Variants in PLCE1 observed in about 807,000 individuals in gnomAD.
PLCE1 encodes the protein 1-phosphatidylinositol 4,5-bisphosphate phosphodiesterase epsilon-1.
PLCE1 carries 119 observed loss-of-function variants against 242.8 expected under a neutral mutation model. The ratio of observed to expected loss-of-function variants is 0.49; its 90% CI spans 0.42 to 0.57. The LOEUF is 0.57. Among genes scored for constraint, PLCE1 ranks in the 20% least tolerant of loss-of-function variants. PLCE1 has a pLI of 0.00. For synonymous variants in PLCE1, 945 were observed against 1,017.4 expected (o/e 0.93, Z 1.35); for missense variants, 2,441 against 2,788.8 (o/e 0.88, Z 2.81).
intron 2 of PLCE1, among the ~76,000 whole-genome samples, chr10:94,059,288 T>A (rs1589936400): frequency 6.6e-6 from 1 of 152,246 alleles, no homozygotes; most frequent in East Asian, 1.9e-4. Flanking sequence ...AAGAGAGAAT[T>A]GCCACAAAAA....
At position 94,313,379 on chromosome 10, in the gene PLCE1, G is replaced by C; in HGVS notation, c.6129G>C (p.Gln2043His). The stretch of plus-strand genomic sequence containing the variant: ...GCACCAAGGCAAAGCAGCTTCTGCA[G>C]CAAGTAAGTCCACTGAGCCGTGGTT... The part of the protein sequence containing the change: ...NGGTKAKQLL[Q>H]QILTNEQDIK... Residue 2043 changes from glutamine to histidine, a missense_variant, in exon 28 of 33, where the codon CAG becomes CAC. Physicochemically the swap from Gln to His is conservative, Grantham distance 24. Around this residue, in one of 5 missense-constraint regions of PLCE1, gnomAD observed 310 missense variants for 317.2 expected, o/e 0.98. Transcript: ENST00000371380. The C allele has an allele frequency of 6.2e-7, 1 of 1,614,158 alleles. No homozygotes were observed. The highest frequency in any genetic ancestry group is 8.5e-7 in the Non-Finnish European group (1 of 1,179,994).
At chr10:94,072,300 G>A (rs555172702) in intron 2 of PLCE1, among the ~76,000 whole-genome samples, 1 of 150,994 alleles carries the variant, frequency 6.6e-6, no homozygotes, top group African/African-American at 2.4e-5. Context: ...TTTTTTAGAT[G>A]GAGTCTCGCT....
At chr10:94,005,009 G>A (rs1297137941) in intron 1 of PLCE1, among the ~76,000 whole-genome samples, 1 of 151,922 alleles carries the variant, frequency 6.6e-6, no homozygotes, top group Admixed American at 6.6e-5. Context: ...TTTGTTAAAG[G>A]GGCTTAGTTA....
intron 4 of PLCE1, among the ~76,000 whole-genome samples, chr10:94,198,550 C>A (rs1310878531): frequency 6.6e-6 from 1 of 152,198 alleles, no homozygotes; most frequent in Non-Finnish European, 1.5e-5. Context: ...TAGAGAATAT[C>A]ATTACAAAGG....
chr10:94,108,014 T>G lies in PLCE1; in HGVS notation c.1207-24160T>G, dbSNP rs920890158. 2.6e-5 allele frequency: 4 copies of G among 152,264 alleles called. No homozygotes were observed. The South Asian group carries it at 8.3e-4, about 32-fold the overall frequency. The allele number at this position is 152,264 out of a possible 1,614,324, so 9.4% of individuals were successfully genotyped here. A position where few individuals can be genotyped will look rare whatever the true frequency, so the allele number is the denominator to read the frequency against. ...TCTAACCAACGGGAGGAAATTTTAC[T>G]CATGGACCAAGGCTCCACCATTGCT... is the stretch of plus-strand genomic sequence containing the variant. On this transcript the variant is annotated intron_variant, in intron 2 of 32. Transcript: ENST00000371380.
In PLCE1 at chr10:94,031,151, CA is replaced by C; in HGVS notation, c.106del (p.Ile36SerfsTer22). The C allele has an allele frequency of 6.2e-7, 1 of 1,613,780 alleles. No individual in the cohort carries two copies. The highest frequency in any genetic ancestry group is 8.5e-7 in the Non-Finnish European group (1 of 1,179,826). On this transcript the variant is annotated frameshift_variant, in exon 2 of 33. Transcript: ENST00000371380. LOFTEE classifies it high-confidence loss of function. ...ADESSEKVSDINISKAHTVRR... is the reference protein window; with the variant it reads ...ADESSEKVSDXNISKAHTVRR... ...ATGAAAGTAGTGAAAAGGTCTCAGACATCAATATTTCAAAAGCACATACTGT... is the reference window on the plus strand; with the variant it reads ...ATGAAAGTAGTGAAAAGGTCTCAGACTCAATATTTCAAAAGCACATACTGT...
At chr10:94,014,172 A>T (rs2061229679) in intron 1 of PLCE1, among the ~76,000 whole-genome samples, 1 of 152,166 alleles carries the variant, frequency 6.6e-6, no homozygotes, top group African/African-American at 2.4e-5. Context: ...GTCCCTTAGG[A>T]TTAAACTTCA....
At chr10:94,310,198 A>G (rs1459888898) in intron 27 of PLCE1, among the ~76,000 whole-genome samples, 1 of 152,182 alleles carries the variant, frequency 6.6e-6, no homozygotes, top group Admixed American at 6.5e-5. Flanking sequence ...ATCTTTGGAA[A>G]GGCACCTTCT....
At chr10:94,118,162 C>CT (rs1327508192) in intron 2 of PLCE1, among the ~76,000 whole-genome samples, 1 of 151,928 alleles carries the variant, frequency 6.6e-6, no homozygotes. Context: ...AGTTTTTAAC[C>CT]TAAGTTTTTA....
At chr10:94,052,228 G>T (rs1441688517) in intron 2 of PLCE1, among the ~76,000 whole-genome samples, 2 of 152,162 alleles carry the variant, frequency 1.3e-5, no homozygotes, top group Non-Finnish European at 2.9e-5. Context: ...TTGACAAGAA[G>T]TATTACTAAT....
At chr10:94,310,667 C>G (rs1359216025) in intron 27 of PLCE1, among the ~76,000 whole-genome samples, 1 of 152,136 alleles carries the variant, frequency 6.6e-6, no homozygotes, top group African/African-American at 2.4e-5. Flanking sequence ...CAATTCTGAG[C>G]TGGGTGACCT....
rs74151050 is a variant in PLCE1 at position 94,119,935 on chromosome 10, A to T, written c.1207-12239A>T. Among the ~76,000 whole-genome samples, 249 of 152,342 alleles carry T rather than the reference A, an allele frequency of 1.6e-3. 1 individual carries two copies. The highest frequency in any genetic ancestry group is 5.9e-3 in the African/African-American group (246 of 41,568). On this transcript the variant is annotated intron_variant, in intron 2 of 32. Coordinates refer to ENST00000371380, the MANE Select transcript of PLCE1 (RefSeq NM_016341.4). Reference sequence around the variant, plus strand: ...AGGCATAGACGGCTTATCTTTCAGAAATTAAAGTGCGGCTACTTTGTGTCT... The same window carrying T: ...AGGCATAGACGGCTTATCTTTCAGATATTAAAGTGCGGCTACTTTGTGTCT...
chr10:94,316,483 C>A, intron 28 of PLCE1, 64 bp from the exon 29 acceptor site: 1 of 1,011,418 alleles, frequency 9.9e-7, no homozygotes, highest in Non-Finnish European at 1.6e-6. Flanking sequence ...ATCTGAACAC[C>A]ATGAAAGTTG....
chr10:94,136,969 G>C (rs1180427687), intron 3 of PLCE1, among the ~76,000 whole-genome samples: 1 of 152,164 alleles, frequency 6.6e-6, no homozygotes, highest in Non-Finnish European at 1.5e-5. Flanking sequence ...GAGGCGGGCA[G>C]ATCATGAGGT....
intron 4 of PLCE1, among the ~76,000 whole-genome samples, chr10:94,223,532 G>T (rs1233595991): frequency 6.6e-6 from 1 of 152,190 alleles, no homozygotes; most frequent in Non-Finnish European, 1.5e-5. Flanking sequence ...TTTGATGTGA[G>T]GAGAGGGAGT....
At chr10:94,290,028 T>C (rs1403991972) in intron 22 of PLCE1, among the ~76,000 whole-genome samples, 1 of 152,098 alleles carries the variant, frequency 6.6e-6, no homozygotes, top group Non-Finnish European at 1.5e-5. Context: ...TCTTATCTTA[T>C]TTTTATTTTT....
chr10:94,270,528 G>A lies in PLCE1; in HGVS notation c.4432G>A (p.Asp1478Asn). 1 of 1,613,976 alleles carries A rather than the reference G, an allele frequency of 6.2e-7. No homozygotes were observed. The highest frequency in any genetic ancestry group is 8.5e-7 in the Non-Finnish European group (1 of 1,179,924). The change falls in exon 18 of 33, where the codon GAC becomes AAC. Residue 1478 changes from aspartate (D) to asparagine (N), a missense_variant. Around this residue, in one of 5 missense-constraint regions of PLCE1, gnomAD observed 1,004 missense variants for 1,322.7 expected, o/e 0.76. Coordinates refer to ENST00000371380, the MANE Select transcript of PLCE1 (RefSeq NM_016341.4). ...AIDRSAFINSDLPIIISIENH... is the reference protein window; with the variant it reads ...AIDRSAFINSNLPIIISIENH... ...TGATCGCAGTGCCTTCATCAACTCTGACCTGCCAATCATCATATCGATTGA... is the reference window on the plus strand; with the variant it reads ...TGATCGCAGTGCCTTCATCAACTCTAACCTGCCAATCATCATATCGATTGA...
chr10:94,249,292 T>A (rs1378456452), intron 8 of PLCE1, among the ~76,000 whole-genome samples: 1 of 152,138 alleles, frequency 6.6e-6, no homozygotes, highest in Non-Finnish European at 1.5e-5. Context: ...CCAAACTGAC[T>A]CAGGGATCAC....
chr10:94,275,930 C>T lies in PLCE1; in HGVS notation c.4665+2210C>T, dbSNP rs145010710. Among the ~76,000 whole-genome samples, 1,437 of 152,224 alleles carry T rather than the reference C, an allele frequency of 9.4e-3. 66 individuals carry two copies. The highest frequency in any genetic ancestry group is 0.084 in the Admixed American group (1,285 of 15,284). On this transcript the variant is annotated intron_variant, in intron 19 of 32. Transcript: ENST00000371380. ...TATTTTCATATAGACTGTTCTTATG[C>T]CCAGCGTTCCCATTTTTCCAGATTA...
Sources: allele counts gnomAD v4.1 joint callset (sites outside exome capture counted in the v4.1 genomes callset), GRCh38; gene constraint gnomAD v4.1.1; regional missense constraint gnomAD v4.1.1; transcripts MANE v1.5; gene names NCBI Gene and HGNC (gene_info 2026-07-23, HGNC 2026-07-21).